The following MTARC1 variants were observed in gnomAD, a reference collection of about 807,000 sequenced individuals.
The protein encoded by MTARC1 is mitochondrial amidoxime-reducing component 1.
In MTARC1, 24 loss-of-function variants were observed where a neutral mutation model predicts 33.6. That is an observed-to-expected ratio of 0.72 (90% CI 0.52 to 1.01). The LOEUF is 1.01. Among genes scored for constraint, MTARC1 ranks in the 50% least tolerant of loss-of-function variants. The pLI is 0.00. For missense variants in MTARC1, 417 were observed against 445.7 expected (o/e 0.94, Z 0.58); for synonymous variants, 187 against 189.5 (o/e 0.99, Z 0.11).
At position 220,818,850 on chromosome 1, in the gene MTARC1, C is replaced by T. The variant is rs891614149; in HGVS notation, c.*5432C>T. On this transcript the variant is annotated 3_prime_UTR_variant, in exon 7 of 7. Transcript: ENST00000366910. Reference sequence around the variant, plus strand: ...ACATGACCTGCCCAGCAATTAAAGCCGCTTGTTAGTCCGAGGCCCAGGACG... The same window carrying T: ...ACATGACCTGCCCAGCAATTAAAGCTGCTTGTTAGTCCGAGGCCCAGGACG... 27 of 152,288 alleles carry T rather than the reference C, an allele frequency of 1.8e-4. No individual in the cohort carries two copies. Among genetic ancestry groups the T allele is most frequent in the African/African-American group, 6.0e-4 (25 of 41,560 alleles). 9.4% of individuals were successfully genotyped at this position (152,288 alleles called of 1,614,324 possible).
In MTARC1 at chr1:220,787,854, A is replaced by G. The variant is rs28525291; in HGVS notation, c.275+635A>G. On this transcript the variant is annotated intron_variant, in intron 1 of 6. Coordinates refer to ENST00000366910, the MANE Select transcript of MTARC1 (RefSeq NM_022746.4). ...AAAACAAACAAACAAACAAAAAAACAAAAATTAGCCGGGCGTAGTGGCGCG... is the reference window on the plus strand; with the variant it reads ...AAAACAAACAAACAAACAAAAAAACGAAAATTAGCCGGGCGTAGTGGCGCG... Among the ~76,000 whole-genome samples, 1,351 of 152,174 alleles carry G rather than the reference A, an allele frequency of 8.9e-3. 8 individuals are homozygous for G. Among genetic ancestry groups the G allele is most frequent in the East Asian group, 0.059 (302 of 5,162 alleles).
chr1:220,796,612 T>C (rs773607125), intron 2 of MTARC1, 31 bp from the exon 3 acceptor site: 7 of 1,546,536 alleles, frequency 4.5e-6, no homozygotes, highest in Admixed American at 4.5e-5. Flanking sequence ...TTCAAAGCCA[T>C]GTCTGCCCTT....
chr1:220,802,772 T>G (rs928414276), intron 4 of MTARC1, among the ~76,000 whole-genome samples: 1 of 152,224 alleles, frequency 6.6e-6, no homozygotes, highest in Non-Finnish European at 1.5e-5. Context: ...CGGCTCCCCT[T>G]TCTATCCTTA....
chr1:220,810,593 G>A (rs1673100566), intron 6 of MTARC1, among the ~76,000 whole-genome samples: 1 of 152,230 alleles, frequency 6.6e-6, no homozygotes, highest in African/African-American at 2.4e-5. Flanking sequence ...GTGCAGTTTA[G>A]GGAGGCTGTG....
rs184736850 is a variant in MTARC1, at chr1:220,788,363, G to C, written c.275+1144G>C. Reference sequence around the variant, plus strand: ...CAGAGCAGCCCTCGCAGTTCAGCAAGTAACACAGGACTAATGGGAGCTGTA... The same window carrying C: ...CAGAGCAGCCCTCGCAGTTCAGCAACTAACACAGGACTAATGGGAGCTGTA... On this transcript the variant is annotated intron_variant, in intron 1 of 6. Transcript: ENST00000366910. Among the ~76,000 whole-genome samples, 45 of 152,318 alleles carry C rather than the reference G, an allele frequency of 3.0e-4. 1 individual carries two copies. Among genetic ancestry groups the C allele is most frequent in the Admixed American group, 2.1e-3 (32 of 15,296 alleles).
At chr1:220,808,781 C>G (rs1334962157) in intron 6 of MTARC1, 3 of 469,382 alleles carry the variant, frequency 6.4e-6, no homozygotes, top group Non-Finnish European at 1.3e-5. Context: ...CTGTAAAATG[C>G]TCACAGCGGG....
At chr1:220,787,650 C>T (rs1672276853) in intron 1 of MTARC1, among the ~76,000 whole-genome samples, 1 of 152,118 alleles carries the variant, frequency 6.6e-6, no homozygotes, top group Non-Finnish European at 1.5e-5. Context: ...GAGTCCAGCC[C>T]TCCAAGAGCG....
chr1:220,787,480 G>A (rs1473614981), intron 1 of MTARC1, among the ~76,000 whole-genome samples: 7 of 152,274 alleles, frequency 4.6e-5, no homozygotes, highest in Middle Eastern at 6.8e-3. Context: ...TGGCTCTTTG[G>A]CGTCATGTGC....
chr1:220,812,809 C>G (rs1325869340), intron 6 of MTARC1, among the ~76,000 whole-genome samples: 1 of 152,028 alleles, frequency 6.6e-6, no homozygotes, highest in Non-Finnish European at 1.5e-5. Context: ...ACTGCAAGCT[C>G]CGCCTCCCAA....
intron 4 of MTARC1, among the ~76,000 whole-genome samples, chr1:220,801,441 G>T (rs1027237148): frequency 6.6e-6 from 1 of 152,188 alleles, no homozygotes; most frequent in African/African-American, 2.4e-5. Context: ...GAGGACAGGG[G>T]CTGCTGTATC....
intron 6 of MTARC1, among the ~76,000 whole-genome samples, chr1:220,810,475 A>G (rs1673097348): frequency 6.6e-6 from 1 of 150,630 alleles, no homozygotes. Flanking sequence ...CCCCTTTTCC[A>G]CTCCCATAGC....
chr1:220,804,743 C>T (rs1040098709), intron 4 of MTARC1, among the ~76,000 whole-genome samples: 1 of 150,884 alleles, frequency 6.6e-6, no homozygotes, highest in East Asian at 1.9e-4. Flanking sequence ...TGCACCCCAC[C>T]CCCCACCACC....
At chr1:220,807,221 T>C (rs1672997102) in intron 6 of MTARC1, among the ~76,000 whole-genome samples, 1 of 152,160 alleles carries the variant, frequency 6.6e-6, no homozygotes, top group South Asian at 2.1e-4. Context: ...TACTGGTGTC[T>C]GCAACTTACT....
chr1:220,800,838 C>T (rs1336385076), intron 4 of MTARC1, among the ~76,000 whole-genome samples: 1 of 152,080 alleles, frequency 6.6e-6, no homozygotes, highest in Non-Finnish European at 1.5e-5. Flanking sequence ...ACCCCTTGTT[C>T]TTCTCTTTCT....
intron 1 of MTARC1, 41 bp from the exon 2 acceptor site, chr1:220,791,450 C>A: frequency 6.3e-7 from 1 of 1,597,992 alleles, no homozygotes; most frequent in South Asian, 1.1e-5. Flanking sequence ...TGGCTTCCTG[C>A]CATAATGGTT....
rs1672425264 is a variant in MTARC1, at chr1:220,791,661, G to T, written c.446G>T (p.Cys149Phe). The T allele has an allele frequency of 6.2e-7, 1 of 1,613,988 alleles. No individual in the cohort carries two copies. The highest frequency in any genetic ancestry group is 8.5e-7 in the Non-Finnish European group (1 of 1,179,932). The change falls in exon 2 of 7, where the codon TGC becomes TTC. Residue 149 changes from cysteine (C) to phenylalanine (F), a missense_variant. By Grantham distance (205) the Cys-to-Phe change is radical. Transcript: ENST00000366910. ...KTPTTNAVHK[C>F]RVHGLEIEGR... ...CCCACCACAAATGCAGTGCACAAGTGCAGGTAAGGAAAGGGCAGGTCGTAG... is the reference window on the plus strand; with the variant it reads ...CCCACCACAAATGCAGTGCACAAGTTCAGGTAAGGAAAGGGCAGGTCGTAG...
chr1:220,809,111 G>T, intron 6 of MTARC1: 1 of 342,106 alleles, frequency 2.9e-6, no homozygotes, highest in Middle Eastern at 1.1e-3. Context: ...ATGGGAGGAG[G>T]CAGACTCTCC....
intron 3 of MTARC1, 121 bp downstream of exon 3, chr1:220,796,926 T>A: frequency 2.0e-6 from 2 of 992,504 alleles, no homozygotes; most frequent in Non-Finnish European, 2.9e-6. Context: ...GTAGCTCAGA[T>A]CACAAGCAGT....
chr1:220,787,169 C>A lies in MTARC1; in HGVS notation c.225C>A (p.Ser75Arg), dbSNP rs1672260592. 2 of 1,579,350 alleles carry A rather than the reference C, an allele frequency of 1.3e-6. No individual in the cohort carries two copies. Among genetic ancestry groups the A allele is most frequent in the African/African-American group, 2.7e-5 (2 of 73,794 alleles). ...PVKSCKGVPV[S>R]EAECTAMGLR... Reference sequence around the variant, plus strand: ...AATCCTGCAAGGGGGTGCCGGTGAGCGAGGCGGAGTGCACGGCCATGGGGC... The same window carrying A: ...AATCCTGCAAGGGGGTGCCGGTGAGAGAGGCGGAGTGCACGGCCATGGGGC... Residue 75 changes from serine (S) to arginine (R), a missense_variant, in exon 1 of 7, where the codon AGC becomes AGA. By Grantham distance (110) the Ser-to-Arg change is moderately radical. Coordinates refer to ENST00000366910, the MANE Select transcript of MTARC1 (RefSeq NM_022746.4).
Sources: allele counts gnomAD v4.1 joint callset (sites outside exome capture counted in the v4.1 genomes callset), GRCh38; gene constraint gnomAD v4.1.1; transcripts MANE v1.5; gene names NCBI Gene and HGNC (gene_info 2026-07-23, HGNC 2026-07-21).